Variants in PDE3A observed in about 807,000 individuals in gnomAD.
PDE3A encodes phosphodiesterase 3A, also known as cGMP-inhibited 3',5'-cyclic phosphodiesterase 3A.
In PDE3A, 43 loss-of-function variants were observed where a neutral mutation model predicts 98.3. The ratio of observed to expected loss-of-function variants is 0.44; its 90% confidence interval spans 0.34 to 0.56. PDE3A has a LOEUF of 0.56. Among genes scored for constraint, PDE3A ranks in the 20% least tolerant of loss-of-function variants. The probability of loss-of-function intolerance (pLI) is 0.01; values close to 1 mark genes in which losing one functional copy is unlikely to be tolerated. For synonymous variants in PDE3A, 663 were observed against 567.9 expected (o/e 1.17, Z -2.38); for missense variants, 1,427 against 1,440.7 (o/e 0.99, Z 0.15).
At chr12:20,601,765 C>CTTTTT (rs146826408) in intron 2 of PDE3A, among the ~76,000 whole-genome samples, 1 of 148,438 alleles carries the variant, frequency 6.7e-6, no homozygotes, top group African/African-American at 2.5e-5. Flanking sequence ...TCTTTTTTAG[C>CTTTTT]TTTTTTTTTT....
intron 1 of PDE3A, among the ~76,000 whole-genome samples, chr12:20,548,379 A>G (rs950952601): frequency 2.0e-5 from 3 of 152,130 alleles, no homozygotes; most frequent in Non-Finnish European, 4.4e-5. Context: ...TTAAAATGTC[A>G]TTACCCAGAG....
At chr12:20,431,387 G>A (rs1944694525) in intron 1 of PDE3A, among the ~76,000 whole-genome samples, 1 of 152,168 alleles carries the variant, frequency 6.6e-6, no homozygotes, top group African/African-American at 2.4e-5. Context: ...TCCTTTGAGA[G>A]TATGAGGATT....
At chr12:20,463,632 A>G (rs1399273174) in intron 1 of PDE3A, among the ~76,000 whole-genome samples, 1 of 152,166 alleles carries the variant, frequency 6.6e-6, no homozygotes, top group Non-Finnish European at 1.5e-5. Flanking sequence ...GCAAATAGAA[A>G]ATATATTTTC....
chr12:20,369,953 C>T lies in PDE3A; in HGVS notation c.669C>T (p.Thr223=), dbSNP rs1943434379. ...LMIALTSAVR[T]VSLISLERFK... is the part of the protein sequence containing the mutation. ...TCGCCTTGACTAGCGCGGTCAGGACCGTGTCCCTCATTTCCTTAGAGAGGT... is the reference window on the plus strand; with the variant it reads ...TCGCCTTGACTAGCGCGGTCAGGACTGTGTCCCTCATTTCCTTAGAGAGGT... The change falls in exon 1 of 16, where the codon ACC becomes ACT. Residue 223 remains threonine, a synonymous_variant. Coordinates refer to ENST00000359062, the MANE Select transcript of PDE3A (RefSeq NM_000921.5). 6.2e-7 allele frequency: 1 copy of T among 1,613,452 alleles called. No individual in the cohort carries two copies.
At chr12:20,428,755 T>C (rs965612549) in intron 1 of PDE3A, among the ~76,000 whole-genome samples, 1 of 152,192 alleles carries the variant, frequency 6.6e-6, no homozygotes, top group Non-Finnish European at 1.5e-5. Context: ...ATAATAGTTA[T>C]GACAAGATGA....
intron 1 of PDE3A, among the ~76,000 whole-genome samples, chr12:20,520,567 G>C (rs978079407): frequency 6.6e-6 from 1 of 152,194 alleles, no homozygotes; most frequent in African/African-American, 2.4e-5. Flanking sequence ...AGTAGAATGA[G>C]AAGATTTTGC....
At position 20,686,897 on chromosome 12, in the gene PDE3A, G is replaced by A. The variant is rs1303734071; in HGVS notation, c.*6626G>A. ...AGTGAACACTACATAAAATTTGCAG[G>A]GTATCCCAGGACACCCCTCAGTCTT... On this transcript the variant is annotated 3_prime_UTR_variant, in exon 16 of 16. Coordinates refer to ENST00000359062, the MANE Select transcript of PDE3A (RefSeq NM_000921.5). Among the ~76,000 whole-genome samples the A allele has an allele frequency of 2.0e-5, 3 of 152,064 alleles. No individual in the cohort carries two copies. The highest frequency in any genetic ancestry group is 2.0e-4 in the Admixed American group (3 of 15,266).
At chr12:20,628,588 G>A (rs1276885974) in intron 5 of PDE3A, among the ~76,000 whole-genome samples, 1 of 152,096 alleles carries the variant, frequency 6.6e-6, no homozygotes, top group Admixed American at 6.6e-5. Context: ...CTGGGTCTAA[G>A]TGGTTTCGTT....
At position 20,687,939 on chromosome 12, in the gene PDE3A, T is replaced by TAAAAAAAAAAAAAAAAAAA. The variant is rs1457835330; in HGVS notation, c.*7668_*7669insAAAAAAAAAAAAAAAAAAA. ...GAAAAAAAAAAAAAAAAAAAAAAAC[T>TAAAAAAAAAAAAAAAAAAA]GGCATTGGCAAGTTTTAATTAATAT... On this transcript the variant is annotated 3_prime_UTR_variant, in exon 16 of 16. Coordinates refer to ENST00000359062, the MANE Select transcript of PDE3A (RefSeq NM_000921.5). 2.3e-5 allele frequency among the ~76,000 whole-genome samples: 2 copies of TAAAAAAAAAAAAAAAAAAA among 87,232 alleles called. No individual in the cohort carries two copies. Among genetic ancestry groups the TAAAAAAAAAAAAAAAAAAA allele is most frequent in the African/African-American group, 8.8e-5 (2 of 22,608 alleles). The allele number at this position is 87,232 out of a possible 152,430, so 57.2% of individuals were successfully genotyped here.
chr12:20,507,095 G>T (rs1946132493), intron 1 of PDE3A, among the ~76,000 whole-genome samples: 1 of 151,996 alleles, frequency 6.6e-6, no homozygotes, highest in South Asian at 2.1e-4. Flanking sequence ...ATTGTGCACA[G>T]TTCCGCATTC....
At chr12:20,414,591 G>T (rs1944390310) in intron 1 of PDE3A, among the ~76,000 whole-genome samples, 1 of 152,152 alleles carries the variant, frequency 6.6e-6, no homozygotes, top group South Asian at 2.1e-4. Context: ...AACACCCTTT[G>T]GTGGCAGCAA....
chr12:20,551,252 A>G (rs1035161453), intron 1 of PDE3A, among the ~76,000 whole-genome samples: 4 of 151,504 alleles, frequency 2.6e-5, no homozygotes, highest in Admixed American at 2.6e-4. Context: ...TAGGGTTGGG[A>G]TTCTTTCAAA....
At chr12:20,606,303 G>A (rs1943707709) in intron 2 of PDE3A, among the ~76,000 whole-genome samples, 1 of 151,692 alleles carries the variant, frequency 6.6e-6, no homozygotes, top group African/African-American at 2.4e-5. Flanking sequence ...CAATATTTTG[G>A]CATAAACTCA....
At chr12:20,500,036 A>G (rs897644124) in intron 1 of PDE3A, among the ~76,000 whole-genome samples, 1 of 152,218 alleles carries the variant, frequency 6.6e-6, no homozygotes, top group African/African-American at 2.4e-5. Flanking sequence ...ACTACACTGT[A>G]TCTCCTTCAC....
rs149816543 is a variant in PDE3A, at chr12:20,626,330, A to G, written c.1541-3578A>G. On this transcript the variant is annotated intron_variant, in intron 5 of 15. Transcript: ENST00000359062. ...ACATCCTAATTCTTTCTGTTTTTAAACTTTAAGTAAACTAAGATAATGCAC... is the reference window on the plus strand; with the variant it reads ...ACATCCTAATTCTTTCTGTTTTTAAGCTTTAAGTAAACTAAGATAATGCAC... 7.0e-4 allele frequency among the ~76,000 whole-genome samples: 106 copies of G among 151,730 alleles called. 2 individuals are homozygous for G. The East Asian group carries it at 0.02, about 28-fold the overall frequency.
At chr12:20,493,143 A>G (rs1474521089) in intron 1 of PDE3A, among the ~76,000 whole-genome samples, 1 of 152,176 alleles carries the variant, frequency 6.6e-6, no homozygotes, top group African/African-American at 2.4e-5. Context: ...TATCATTAAC[A>G]CTTTATAGAT....
intron 1 of PDE3A, among the ~76,000 whole-genome samples, chr12:20,433,726 G>A (rs775816050): frequency 6.6e-6 from 1 of 152,094 alleles, no homozygotes; most frequent in Non-Finnish European, 1.5e-5. Flanking sequence ...TGTACTGCTG[G>A]AAGTATAGTT....
chr12:20,460,595 T>C (rs1945229236), intron 1 of PDE3A, among the ~76,000 whole-genome samples: 1 of 152,238 alleles, frequency 6.6e-6, no homozygotes, highest in African/African-American at 2.4e-5. Flanking sequence ...TATGGCATGG[T>C]AGAATTCACA....
At chr12:20,393,486 G>A (rs888292563) in intron 1 of PDE3A, among the ~76,000 whole-genome samples, 1 of 151,784 alleles carries the variant, frequency 6.6e-6, no homozygotes, top group Non-Finnish European at 1.5e-5. Flanking sequence ...ATTTGGGTGG[G>A]GACACAGCCA....
Sources: allele counts gnomAD v4.1 joint callset (sites outside exome capture counted in the v4.1 genomes callset), GRCh38; gene constraint gnomAD v4.1.1; transcripts MANE v1.5; gene names NCBI Gene and HGNC (gene_info 2026-07-23, HGNC 2026-07-21).